KCNC4: variants seen among roughly 807,000 people sequenced by gnomAD.
The protein encoded by KCNC4 is potassium voltage-gated channel subfamily C member 4.
In KCNC4, 23 loss-of-function variants were observed where a neutral mutation model predicts 42.8. The observed-to-expected ratio is 0.54, with a 90% CI of 0.39 to 0.76. The LOEUF (loss-of-function observed/expected upper bound fraction) is 0.76. Ranked by LOEUF, KCNC4 falls within the 30% of genes least tolerant of loss-of-function variation. KCNC4 has a pLI of 0.00. For synonymous variants in KCNC4, 422 were observed against 393.5 expected (o/e 1.07, Z -0.86); for missense variants, 751 against 898.2 (o/e 0.84, Z 2.10).
intron 1 of KCNC4, among the ~76,000 whole-genome samples, chr1:110,217,482 A>C (rs1306723056): frequency 6.6e-6 from 1 of 152,230 alleles, no homozygotes; most frequent in African/African-American, 2.4e-5. Flanking sequence ...TCAGGTGACC[A>C]GCTCAAGCAG....
chr1:110,225,892 C>T lies in KCNC4; in HGVS notation c.1616-83C>T. ...CTCCCAAGGTTGAGGAAGTAACACT[C>T]TGGGTCTGGGAGACCCCAGATGACC... On this transcript the variant is annotated intron_variant, in intron 2 of 3. Coordinates refer to ENST00000438661, the MANE Select transcript of KCNC4 (RefSeq NM_001039574.3). 3 of 1,301,090 alleles carry T rather than the reference C, an allele frequency of 2.3e-6. No homozygotes were observed. In the South Asian group the frequency reaches 4.2e-5, roughly 18 times the overall value. The allele number at this position is 1,301,090 out of a possible 1,614,324, so 80.6% of individuals were successfully genotyped here.
chr1:110,277,214 T>C (rs926579110), intron 1 of KCNC4, among the ~76,000 whole-genome samples: 6 of 152,222 alleles, frequency 3.9e-5, no homozygotes, highest in African/African-American at 1.4e-4. Context: ...CAAATGCCTT[T>C]GAAATCACTT....
intron 1 of KCNC4, among the ~76,000 whole-genome samples, chr1:110,263,543 G>A (rs1659489613): frequency 6.6e-6 from 1 of 152,074 alleles, no homozygotes; most frequent in Non-Finnish European, 1.5e-5. Flanking sequence ...GGGCAACACA[G>A]ACAGACAGAC....
chr1:110,232,392 G>T, intron 3 of KCNC4: 1 of 1,543,980 alleles, frequency 6.5e-7, no homozygotes, highest in Non-Finnish European at 8.7e-7. Context: ...TCCCAGGGTG[G>T]TGACAGCAGA....
intron 1 of KCNC4, among the ~76,000 whole-genome samples, chr1:110,277,072 C>T (rs537476084): frequency 2.0e-5 from 3 of 152,330 alleles, no homozygotes; most frequent in Admixed American, 6.5e-5. Context: ...CCCCACATCC[C>T]GCTGAAATCT....
Position 110,223,880 on chromosome 1 carries a change from T to C in KCNC4, c.1595T>C (p.Met532Thr), listed in dbSNP as rs1658251409. The C allele has an allele frequency of 6.9e-6, 11 of 1,599,142 alleles. No individual in the cohort carries two copies. The highest frequency in any genetic ancestry group is 1.3e-5 in the African/African-American group (1 of 74,720). ...AGCCCCCCTGCCCGGGAAGAGGGTA[T>C]GATCGAGAGGAAACGGGCAGGTGAG... ...DTSPPAREEG[M>T]IERKRADSKQ... The change falls in exon 2 of 4, where the codon ATG (methionine) becomes ACG (threonine). Residue 532 changes from methionine to threonine, a missense_variant. This residue lies in a region of KCNC4 where 202 missense variants were observed against 181.5 expected (regional missense o/e 1.11). Transcript: ENST00000438661. The surrounding 1 kb of genome is among the most constrained non-coding windows in gnomAD (Gnocchi z 7.5).
rs767520363 is a variant in KCNC4, at chr1:110,211,995, G to A, written c.496G>A (p.Gly166Arg). ...GCTCGACATCTTCGAGAGCCCGGAC[G>A]GAGGCGGCAGCGGCGCGGGGCCCAG... ...EALDIFESPD[G>R]GGSGAGPSDE... is the part of the protein sequence containing the mutation. The change falls in exon 1 of 4, where the codon GGA becomes AGA. Residue 166 changes from glycine to arginine, a missense_variant. Physicochemically the swap from Gly to Arg is moderately radical, Grantham distance 125 (BLOSUM62 -2). Transcript: ENST00000438661. The surrounding 1 kb of genome is among the most constrained non-coding windows in gnomAD (Gnocchi z 6.5). The A allele has an allele frequency of 6.2e-7, 1 of 1,608,370 alleles. No homozygotes were observed. The highest frequency in any genetic ancestry group is 1.1e-5 in the South Asian group (1 of 90,730).
intron 1 of KCNC4, 70 bp from the exon 2 acceptor site, chr1:110,222,894 T>G: frequency 2.6e-6 from 3 of 1,167,344 alleles, no homozygotes; most frequent in Non-Finnish European, 3.7e-6. Flanking sequence ...CATGCAGAAG[T>G]CCACGTCCCC....
At chr1:110,227,214 G>T (rs1275890724) in intron 3 of KCNC4, among the ~76,000 whole-genome samples, 2 of 152,216 alleles carry the variant, frequency 1.3e-5, no homozygotes, top group African/African-American at 4.8e-5. Context: ...GTTGAGTGAG[G>T]AAGGGGCAGT....
In KCNC4 at chr1:110,233,148, G is replaced by A. The variant is rs1658786790; in HGVS notation, c.*176G>A. ...GGGCCCAGAGCCATCTGGGTCTGAT[G>A]TTCTGTTCCATTGTACATCGAAGAG... is the stretch of plus-strand genomic sequence containing the variant. On this transcript the variant is annotated 3_prime_UTR_variant, in exon 4 of 4. Coordinates refer to ENST00000438661, the MANE Select transcript of KCNC4 (RefSeq NM_001039574.3). 2.2e-5 allele frequency: 15 copies of A among 680,572 alleles called. No homozygotes were observed. The highest frequency in any genetic ancestry group is 1.3e-4 in the South Asian group (7 of 54,316). The allele number at this position is 680,572 out of a possible 1,614,324, so 42.2% of individuals were successfully genotyped here. A position where few individuals can be genotyped will look rare whatever the true frequency, so the allele number is the denominator to read the frequency against.
intron 1 of KCNC4, among the ~76,000 whole-genome samples, chr1:110,270,397 A>C (rs1486133749): frequency 2.6e-5 from 4 of 152,242 alleles, no homozygotes; most frequent in East Asian, 3.8e-4. Flanking sequence ...GGGAACAGCC[A>C]TGAAAAACAG....
At chr1:110,221,397 G>A (rs772034540) in intron 1 of KCNC4, 4 of 152,338 alleles carry the variant, frequency 2.6e-5, no homozygotes, top group Non-Finnish European at 5.9e-5. Context: ...GAAGGCGATT[G>A]AAGCATATAC....
chr1:110,262,960 G>T (rs549888316), intron 1 of KCNC4, among the ~76,000 whole-genome samples: 2 of 152,342 alleles, frequency 1.3e-5, no homozygotes, highest in African/African-American at 4.8e-5. Flanking sequence ...GGATAGCCCT[G>T]TGAACAACAG....
At chr1:110,274,712 T>C (rs1659688128) in intron 1 of KCNC4, among the ~76,000 whole-genome samples, 1 of 152,128 alleles carries the variant, frequency 6.6e-6, no homozygotes, top group African/African-American at 2.4e-5. Flanking sequence ...TAAAGCCACA[T>C]ACCTACAGCC....
chr1:110,211,416 C>G lies in KCNC4; in HGVS notation c.-84C>G, dbSNP rs1360902806. ...CTCCTGCCTCCTCTTCGTCTCCTCC[C>G]CCTCCCCCGTCTGACGCTGCCTCCT... On this transcript the variant is annotated 5_prime_UTR_variant, in exon 1 of 4. Transcript: ENST00000438661. The surrounding 1 kb of genome is among the most constrained non-coding windows in gnomAD (Gnocchi z 6.5). The G allele has an allele frequency of 1.3e-5, 19 of 1,492,266 alleles. No homozygotes were observed. The South Asian group carries it at 2.3e-4, about 18-fold the overall frequency. The allele number at this position is 1,492,266 out of a possible 1,614,324, so 92.4% of individuals were successfully genotyped here. A position where few individuals can be genotyped will look rare whatever the true frequency, so the allele number is the denominator to read the frequency against.
downstream of KCNC4, chr1:110,235,115 G>A (rs1364543630): frequency 3.3e-5 from 5 of 152,394 alleles, no homozygotes; most frequent in Non-Finnish European, 5.9e-5. Flanking sequence ...GAAAGGACAA[G>A]AACACACCCG....
At position 110,223,867 on chromosome 1, in the gene KCNC4, C is replaced by T. The variant is rs748703547; in HGVS notation, c.1582C>T (p.Arg528Trp). The T allele has an allele frequency of 7.5e-6, 12 of 1,602,794 alleles. No individual in the cohort carries two copies. The highest frequency in any genetic ancestry group is 1.7e-4 in the Middle Eastern group (1 of 6,036). ...CTGCAGTGATACCAGCCCCCCTGCC[C>T]GGGAAGAGGGTATGATCGAGAGGAA... Reference protein sequence around the residue: ...STCSDTSPPAREEGMIERKRA... With the variant: ...STCSDTSPPAWEEGMIERKRA... Residue 528 changes from arginine to tryptophan, a missense_variant, in exon 2 of 4, where the codon CGG (arginine) becomes TGG (tryptophan). Physicochemically the swap from Arg to Trp is moderately radical, Grantham distance 101. Transcript: ENST00000438661. This position sits in a 1 kb window ranked among gnomAD's most constrained non-coding sequence, Gnocchi z 7.5.
chr1:110,278,674 G>A (rs776770431), intron 1 of KCNC4, among the ~76,000 whole-genome samples: 30 of 152,074 alleles, frequency 2.0e-4, no homozygotes, highest in Non-Finnish European at 3.2e-4. Flanking sequence ...TACCAGGAAG[G>A]TGCCCTGCTT....
chr1:110,265,353 TAAATAAAATA>T (rs58863489), intron 1 of KCNC4, among the ~76,000 whole-genome samples: 38,821 of 120,948 alleles, frequency 0.32, 7,407 homozygotes, highest in East Asian at 0.49. Flanking sequence ...AAATAAAACA[TAAATAAAATA>T]AAATAAAATA....
Sources: allele counts gnomAD v4.1 joint callset (sites outside exome capture counted in the v4.1 genomes callset), GRCh38; gene constraint gnomAD v4.1.1; regional missense constraint gnomAD v4.1.1; non-coding constraint Gnocchi (gnomAD v3.1); transcripts MANE v1.5; gene names NCBI Gene and HGNC (gene_info 2026-07-23, HGNC 2026-07-21).